EDARADD: variants seen among roughly 807,000 people sequenced by gnomAD.
EDARADD encodes the protein EDAR associated via death domain, also known as ectodysplasin-A receptor-associated adapter protein.
In EDARADD, 20 loss-of-function variants were observed where a neutral mutation model predicts 25.6. The observed-to-expected ratio is 0.78, with a 90% CI of 0.55 to 1.14. EDARADD has a LOEUF of 1.14. Among genes scored for constraint, EDARADD ranks in the 50% most tolerant of loss-of-function variants. The pLI is 0.00. For synonymous variants in EDARADD, 86 were observed against 94.4 expected, an observed-to-expected ratio of 0.91 and a Z score of 0.52; for missense variants, 225 against 270.1, an observed-to-expected ratio of 0.83 and a Z score of 1.17.
intron 3 of EDARADD, among the ~76,000 whole-genome samples, chr1:236,363,843 G>A (rs537618128): frequency 6.6e-6 from 1 of 152,182 alleles, no homozygotes; most frequent in South Asian, 2.1e-4. Context: ...GTGGAACCAT[G>A]AGCCAAGTGA....
At chr1:236,475,487 G>A (rs1348515786) in intron 5 of EDARADD, among the ~76,000 whole-genome samples, 3 of 152,180 alleles carry the variant, frequency 2.0e-5, no homozygotes, top group South Asian at 2.1e-4. Flanking sequence ...CACACAGGGC[G>A]AGCACTGTGG....
At chr1:236,365,079 C>G (rs1283870367) in intron 3 of EDARADD, among the ~76,000 whole-genome samples, 1 of 151,990 alleles carries the variant, frequency 6.6e-6, no homozygotes, top group African/African-American at 2.4e-5. Context: ...CTGAGACTAT[C>G]AGGAATTGGT....
At position 236,395,106 on chromosome 1, in the gene EDARADD, T is replaced by C. The variant is rs1199810588; in HGVS notation, c.61+601T>C. Among the ~76,000 whole-genome samples the C allele has an allele frequency of 6.6e-6, 1 of 152,166 alleles. No homozygotes were observed. Among genetic ancestry groups the C allele is most frequent in the Non-Finnish European group, 1.5e-5 (1 of 68,026 alleles). On this transcript the variant is annotated intron_variant, in intron 1 of 5. Transcript: ENST00000334232. The surrounding 1 kb of genome is among the most constrained non-coding windows in gnomAD (Gnocchi z 6.9). The stretch of plus-strand genomic sequence containing the variant: ...CGGCGGGCATCTCAGCCCAGGCCTG[T>C]GTAAGGGGAGTTCTGGTGTCTCAGC...
At chr1:236,372,349 C>A (rs1345069705) in intron 3 of EDARADD, among the ~76,000 whole-genome samples, 1 of 152,094 alleles carries the variant, frequency 6.6e-6, no homozygotes, top group African/African-American at 2.4e-5. Flanking sequence ...TCATATTTAA[C>A]CTCATGTTGC....
At position 236,443,785 on chromosome 1, in the gene EDARADD, A is replaced by G. The variant is rs1436898409; in HGVS notation, c.219+16335A>G. On this transcript the variant is annotated intron_variant, in intron 4 of 5. Transcript: ENST00000334232. ...ATAGTACATAAACTTAGAATAGTAC[A>G]TAAACTTAGTACATAAATAATGCAC... Among the ~76,000 whole-genome samples the G allele has an allele frequency of 3.3e-5, 5 of 152,252 alleles. No homozygotes were observed. In the East Asian group the frequency reaches 9.6e-4, roughly 29 times the overall value.
chr1:236,467,268 T>A (rs1019582310), intron 4 of EDARADD, among the ~76,000 whole-genome samples: 3 of 140,886 alleles, frequency 2.1e-5, no homozygotes, highest in African/African-American at 7.7e-5. Context: ...GGCTTCTGAC[T>A]CGCCTCTTGT....
Position 236,395,567 on chromosome 1 carries a change from C to T in EDARADD, c.61+1062C>T. ...CTTTTCATCCCCGTGGTCCCACGGT[C>T]CTCCCGCGCCCCGGAGGCCTGCCAG... On this transcript the variant is annotated intron_variant, in intron 1 of 5. Transcript: ENST00000334232. The surrounding 1 kb of genome is among the most constrained non-coding windows in gnomAD (Gnocchi z 6.9). 6.5e-7 allele frequency: 1 copy of T among 1,543,124 alleles called. No homozygotes were observed. The highest frequency in any genetic ancestry group is 1.4e-5 in the African/African-American group (1 of 73,166).
At chr1:236,418,812 T>G (rs924467391) in intron 3 of EDARADD, among the ~76,000 whole-genome samples, 1 of 152,170 alleles carries the variant, frequency 6.6e-6, no homozygotes, top group Non-Finnish European at 1.5e-5. Flanking sequence ...TGTGAAGAGT[T>G]GTCCCTGTTC....
intron 3 of EDARADD, among the ~76,000 whole-genome samples, chr1:236,424,740 T>C (rs981743837): frequency 1.3e-5 from 2 of 152,132 alleles, no homozygotes; most frequent in African/African-American, 4.8e-5. Flanking sequence ...ACTCTGAGGA[T>C]CAGGATCTTT....
chr1:236,460,187 C>CTTTT (rs535170345), intron 4 of EDARADD, among the ~76,000 whole-genome samples: 9 of 138,574 alleles, frequency 6.5e-5, no homozygotes, highest in Non-Finnish European at 1.1e-4. Context: ...TTTTTCTTTT[C>CTTTT]TTTTTTTTTT....
chr1:236,369,266 A>G (rs999117378), intron 3 of EDARADD, among the ~76,000 whole-genome samples: 1 of 152,258 alleles, frequency 6.6e-6, no homozygotes, highest in Non-Finnish European at 1.5e-5. Context: ...CTGAAGTTGC[A>G]TTAAATCTAT....
chr1:236,349,639 A>G (rs906761229), intron 2 of EDARADD, among the ~76,000 whole-genome samples: 9 of 152,174 alleles, frequency 5.9e-5, no homozygotes, highest in Admixed American at 5.9e-4. Context: ...GGAAATGTTC[A>G]GGTTAAGATA....
intron 3 of EDARADD, among the ~76,000 whole-genome samples, chr1:236,373,991 T>C (rs1667198267): frequency 6.6e-6 from 1 of 152,212 alleles, no homozygotes; most frequent in Non-Finnish European, 1.5e-5. Flanking sequence ...CTTTTTATTA[T>C]TGGTTTCTAG....
intron 5 of EDARADD, among the ~76,000 whole-genome samples, chr1:236,469,827 C>G (rs767311220): frequency 6.6e-6 from 1 of 151,714 alleles, no homozygotes; most frequent in African/African-American, 2.4e-5. Context: ...GAGTTTCGCA[C>G]TCTTGTTGCC....
intron 4 of EDARADD, among the ~76,000 whole-genome samples, chr1:236,452,889 C>T (rs556641490): frequency 2.5e-4 from 38 of 152,264 alleles, no homozygotes; most frequent in African/African-American, 7.7e-4. Flanking sequence ...TTACAGTCTC[C>T]GCCGTATAGC....
intron 4 of EDARADD, among the ~76,000 whole-genome samples, chr1:236,467,443 C>T (rs1431666278): frequency 6.6e-6 from 1 of 151,342 alleles, no homozygotes; most frequent in African/African-American, 2.4e-5. Flanking sequence ...CACACACACA[C>T]ACACACACAC....
intron 5 of EDARADD, among the ~76,000 whole-genome samples, chr1:236,479,519 T>C (rs1354898629): frequency 6.6e-6 from 1 of 151,132 alleles, no homozygotes; most frequent in Non-Finnish European, 1.5e-5. Context: ...AAAAAACCTC[T>C]CTATTCGCCT....
At chr1:236,386,941 C>T (rs1382338087) in intron 3 of EDARADD, among the ~76,000 whole-genome samples, 4 of 67,796 alleles carry the variant, frequency 5.9e-5, no homozygotes, top group South Asian at 8.6e-4. Flanking sequence ...GCCCCCCGCC[C>T]GGCCAGCCGC....
At chr1:236,416,975 G>T (rs756700668) in intron 3 of EDARADD, among the ~76,000 whole-genome samples, 2 of 152,254 alleles carry the variant, frequency 1.3e-5, no homozygotes, top group African/African-American at 4.8e-5. Flanking sequence ...TTAGCTGGGC[G>T]TGGTGACATG....
Sources: gnomAD v4.1 joint callset for allele counts (sites outside exome capture counted in the v4.1 genomes callset) on GRCh38, gnomAD v4.1.1 for gene constraint, Gnocchi (gnomAD v3.1) non-coding constraint, MANE v1.5 for transcripts, NCBI Gene and HGNC (gene_info 2026-07-23, HGNC 2026-07-21) for gene names.